Variants in PRKAG2 observed in about 807,000 individuals in gnomAD.
The protein encoded by PRKAG2 is 5'-AMP-activated protein kinase subunit gamma-2.
PRKAG2 carries 26 observed loss-of-function variants against 69.6 expected under a neutral mutation model. That is an observed-to-expected ratio of 0.37 (90% CI 0.27 to 0.52). The LOEUF (loss-of-function observed/expected upper bound fraction) is 0.52. Among genes scored for constraint, PRKAG2 ranks in the 20% least tolerant of loss-of-function variants. The pLI, the probability that PRKAG2 is intolerant of heterozygous loss-of-function variation, is 0.90. For synonymous variants in PRKAG2, 293 were observed against 285.0 expected, an observed-to-expected ratio of 1.03 and a Z score of -0.28; for missense variants, 557 against 740.0, an observed-to-expected ratio of 0.75 and a Z score of 2.87.
intron 2 of PRKAG2, among the ~76,000 whole-genome samples, chr7:151,782,339 A>AGGGAGGGAG: frequency 3.9e-5 from 1 of 25,348 alleles, no homozygotes; most frequent in Non-Finnish European, 9.0e-5. Context: ...GAAGGAAGGA[A>AGGGAGGGAG]GGAGGGAGGG....
chr7:151,718,472 C>T (rs1217105572), intron 3 of PRKAG2, among the ~76,000 whole-genome samples: 1 of 152,068 alleles, frequency 6.6e-6, no homozygotes, highest in African/African-American at 2.4e-5. Context: ...AGTCCTCCAG[C>T]TGCATGCAGG....
intron 3 of PRKAG2, among the ~76,000 whole-genome samples, chr7:151,743,711 A>G (rs1243433879): frequency 1.3e-5 from 2 of 152,192 alleles, no homozygotes; most frequent in African/African-American, 4.8e-5. Context: ...GAGCAGCATG[A>G]TGGGTCAGGG....
chr7:151,742,630 A>T (rs957941857), intron 3 of PRKAG2, among the ~76,000 whole-genome samples: 17 of 149,160 alleles, frequency 1.1e-4, no homozygotes, highest in South Asian at 2.1e-4. Context: ...TCTCACAAAA[A>T]AAAAAAAAAT....
rs548493998 is a variant in PRKAG2, at chr7:151,556,422, C to T, written c.*779G>A. 5 of 152,808 alleles carry T rather than the reference C, an allele frequency of 3.3e-5. No homozygotes were observed. Among genetic ancestry groups the T allele is most frequent in the Non-Finnish European group, 7.3e-5 (5 of 68,040 alleles). The allele number at this position is 152,808 out of a possible 1,614,324, so 9.5% of individuals were successfully genotyped here. A position where few individuals can be genotyped will look rare whatever the true frequency, so the allele number is the denominator to read the frequency against. On this transcript the variant is annotated 3_prime_UTR_variant, in exon 16 of 16. Transcript: ENST00000287878. The stretch of plus-strand genomic sequence containing the variant: ...CCGCCTGACGGCAACGTCTCCTCCA[C>T]ACTTTGAGAGACCTCAGCTTTTAAA...
intron 1 of PRKAG2, among the ~76,000 whole-genome samples, chr7:151,789,271 C>T (rs2077159290): frequency 6.6e-6 from 1 of 152,174 alleles, no homozygotes; most frequent in South Asian, 2.1e-4. Flanking sequence ...ACAATATCGC[C>T]TCCCAATCCA....
In PRKAG2 at chr7:151,638,866, G is replaced by A. The variant is rs777729377; in HGVS notation, c.685-6728C>T. 6.6e-6 allele frequency among the ~76,000 whole-genome samples: 1 copy of A among 152,144 alleles called. No individual in the cohort carries two copies. Among genetic ancestry groups the A allele is most frequent in the Non-Finnish European group, 1.5e-5 (1 of 68,028 alleles). ...GAAATAAATCAACCTCAAATACTGG[G>A]TAAGGAGCTCCTGAATAATTTAGCA... On this transcript the variant is annotated intron_variant, in intron 4 of 15. Coordinates refer to ENST00000287878, the MANE Select transcript of PRKAG2 (RefSeq NM_016203.4). The surrounding 1 kb of genome is among the most constrained non-coding windows in gnomAD (Gnocchi z 4.3).
At chr7:151,679,745 T>C (rs1304761187) in intron 3 of PRKAG2, among the ~76,000 whole-genome samples, 6 of 152,052 alleles carry the variant, frequency 3.9e-5, no homozygotes, top group Admixed American at 2.0e-4. Flanking sequence ...AAAGTAGCTA[T>C]GTCCATCCCT....
chr7:151,724,119 G>C (rs541655321), intron 3 of PRKAG2, among the ~76,000 whole-genome samples: 1 of 152,254 alleles, frequency 6.6e-6, no homozygotes, highest in East Asian at 1.9e-4. Flanking sequence ...ATGTATAGAA[G>C]CCCTGGGTCC....
intron 1 of PRKAG2, among the ~76,000 whole-genome samples, chr7:151,826,455 T>C (rs1186484743): frequency 6.6e-6 from 1 of 152,076 alleles, no homozygotes; most frequent in African/African-American, 2.4e-5. Context: ...AGTGCTGGGA[T>C]TACAGATGTG....
At chr7:151,735,148 G>A (rs1184966012) in intron 3 of PRKAG2, among the ~76,000 whole-genome samples, 1 of 152,080 alleles carries the variant, frequency 6.6e-6, no homozygotes, top group Non-Finnish European at 1.5e-5. Flanking sequence ...GAGCCACCGC[G>A]CCCGGCCTCT....
chr7:151,600,795 T>C (rs1815856513), intron 5 of PRKAG2, among the ~76,000 whole-genome samples: 1 of 152,156 alleles, frequency 6.6e-6, no homozygotes, highest in Non-Finnish European at 1.5e-5. Context: ...TCAATTTCAA[T>C]CCAACCTCAA....
At chr7:151,755,713 G>C (rs1211279928) in intron 3 of PRKAG2, among the ~76,000 whole-genome samples, 2 of 152,202 alleles carry the variant, frequency 1.3e-5, no homozygotes, top group South Asian at 4.1e-4. Flanking sequence ...CGAAGTCTAA[G>C]ACATTTACCA....
intron 1 of PRKAG2, among the ~76,000 whole-genome samples, chr7:151,832,190 T>G (rs938970445): frequency 6.4e-5 from 9 of 140,544 alleles, no homozygotes; most frequent in Middle Eastern, 3.8e-3. Context: ...GGGTGGACAC[T>G]AGTGACTGAT....
intron 4 of PRKAG2, among the ~76,000 whole-genome samples, chr7:151,672,710 CCT>C (rs1832262609): frequency 6.6e-6 from 1 of 152,128 alleles, no homozygotes; most frequent in African/African-American, 2.4e-5. Context: ...GTCGGAACTT[CCT>C]CTCTTTTTAA....
chr7:151,723,709 C>T (rs558547884), intron 3 of PRKAG2, among the ~76,000 whole-genome samples: 62 of 152,292 alleles, frequency 4.1e-4, no homozygotes, highest in African/African-American at 1.4e-3. Flanking sequence ...TCTTCAAGGG[C>T]GCTGGGCTCC....
Position 151,565,403 on chromosome 7 carries a change from G to C in PRKAG2, c.1400-20C>G. 7.5e-7 allele frequency: 1 copy of C among 1,331,066 alleles called. No individual in the cohort carries two copies. The highest frequency in any genetic ancestry group is 1.0e-6 in the Non-Finnish European group (1 of 952,860). 82.5% of individuals were successfully genotyped at this position (1,331,066 alleles called of 1,614,324 possible). A position where few individuals can be genotyped will look rare whatever the true frequency, so the allele number is the denominator to read the frequency against. ...CTTTTCCTAAAAATGAAAAATATAT[G>C]TTAGAAAAATGTCTTAAGGGACAAA... On this transcript the variant is annotated intron_variant, in intron 12 of 15. Transcript: ENST00000287878.
intron 1 of PRKAG2, among the ~76,000 whole-genome samples, chr7:151,874,024 G>GATGTAT (rs149742160): frequency 0.2 from 26,610 of 132,850 alleles, 3,633 homozygotes; most frequent in East Asian, 0.34. Context: ...ATATGTATAT[G>GATGTAT]ATGTATATGT....
chr7:151,757,652 G>A (rs1025731824), intron 3 of PRKAG2, among the ~76,000 whole-genome samples: 2 of 152,114 alleles, frequency 1.3e-5, no homozygotes, highest in Non-Finnish European at 2.9e-5. Flanking sequence ...TCCATCCAGC[G>A]GATCCTCTGT....
intron 1 of PRKAG2, among the ~76,000 whole-genome samples, chr7:151,870,717 G>A (rs1207478579): frequency 6.6e-6 from 1 of 152,218 alleles, no homozygotes; most frequent in Non-Finnish European, 1.5e-5. Context: ...TATGGGGCAG[G>A]AGCTGGGTGC....
Sources: gnomAD v4.1 joint callset for allele counts (sites outside exome capture counted in the v4.1 genomes callset) on GRCh38, gnomAD v4.1.1 for gene constraint, Gnocchi (gnomAD v3.1) non-coding constraint, MANE v1.5 for transcripts, NCBI Gene and HGNC (gene_info 2026-07-23, HGNC 2026-07-21) for gene names.